The following BLTP3B variants were observed in gnomAD, a reference collection of about 807,000 sequenced individuals.
BLTP3B encodes UHRF1 (ICBP90) binding protein 1-like.
chr12:100,042,241 A>C, the BLTP3B span, among the ~76,000 whole-genome samples: 3 of 152,188 alleles, frequency 2.0e-5, no homozygotes, highest in African/African-American at 7.2e-5. Context: ...AGAAATTATA[A>C]GTTGAGCTGG....
chr12:100,071,167 AG>A, the BLTP3B span, among the ~76,000 whole-genome samples: 2 of 152,126 alleles, frequency 1.3e-5, no homozygotes, highest in Non-Finnish European at 2.9e-5. Context: ...ATGATGAAAA[AG>A]GTATCACAGA....
At chr12:100,142,314 G>A in the BLTP3B span, among the ~76,000 whole-genome samples, 3 of 152,118 alleles carry the variant, frequency 2.0e-5, no homozygotes, top group Non-Finnish European at 2.9e-5. Flanking sequence ...CAGACGCCGC[G>A]CCGGGAGCGA....
chr12:100,079,087 T>C, the BLTP3B span, among the ~76,000 whole-genome samples: 1 of 152,336 alleles, frequency 6.6e-6, no homozygotes, highest in East Asian at 1.9e-4. Context: ...ACTTTTTTCC[T>C]GTATAAATTG....
At chr12:100,113,960 T>C in the BLTP3B span, among the ~76,000 whole-genome samples, 2 of 152,294 alleles carry the variant, frequency 1.3e-5, no homozygotes, top group South Asian at 4.1e-4. Context: ...TCAAGGAGTC[T>C]ACAATATTTT....
the BLTP3B span, among the ~76,000 whole-genome samples, chr12:100,119,492 ACT>A: frequency 2.6e-5 from 4 of 152,148 alleles, no homozygotes; most frequent in African/African-American, 4.8e-5. Flanking sequence ...ATCCAAAATA[ACT>A]CTGAAAAAGA....
chr12:100,112,729 A>T, the BLTP3B span, among the ~76,000 whole-genome samples: 11 of 151,980 alleles, frequency 7.2e-5, no homozygotes, highest in Admixed American at 7.2e-4. Flanking sequence ...ACAGAGAATA[A>T]ATGCACAAAA....
chr12:100,127,590 A>G, the BLTP3B span, among the ~76,000 whole-genome samples: 1 of 152,250 alleles, frequency 6.6e-6, no homozygotes, highest in Non-Finnish European at 1.5e-5. Context: ...ATTGAGTCCT[A>G]AATTGAAAGA....
At chr12:100,113,516 T>C in the BLTP3B span, among the ~76,000 whole-genome samples, 1 of 152,176 alleles carries the variant, frequency 6.6e-6, no homozygotes, top group East Asian at 1.9e-4. Context: ...GCTTACTATT[T>C]AACCTATATC....
chr12:100,088,951 G>C, the BLTP3B span: 1 of 1,608,862 alleles, frequency 6.2e-7, no homozygotes, highest in Non-Finnish European at 8.5e-7. Context: ...CATATGTGTA[G>C]ATCTAGATGA....
the BLTP3B span, among the ~76,000 whole-genome samples, chr12:100,129,709 G>A: frequency 6.6e-6 from 1 of 152,160 alleles, no homozygotes; most frequent in African/African-American, 2.4e-5. Flanking sequence ...ATAAAGCTGA[G>A]AGAAGAAGGC....
chr12:100,108,934 G>A, the BLTP3B span, among the ~76,000 whole-genome samples: 1 of 152,140 alleles, frequency 6.6e-6, no homozygotes, highest in South Asian at 2.1e-4. Flanking sequence ...TGGGGAGCAG[G>A]GGTGGGAATG....
At chr12:100,058,701 C>T in the BLTP3B span, 3 of 1,614,002 alleles carry the variant, frequency 1.9e-6, no homozygotes, top group Non-Finnish European at 2.5e-6. Flanking sequence ...AATTCCAATA[C>T]AAATGGATGT....
chr12:100,086,262 C>A, the BLTP3B span: 1 of 1,366,126 alleles, frequency 7.3e-7, no homozygotes, highest in South Asian at 1.6e-5. Context: ...TTTAAAGATG[C>A]TGTTATACAC....
At chr12:100,065,323 C>T in the BLTP3B span, among the ~76,000 whole-genome samples, 1 of 151,246 alleles carries the variant, frequency 6.6e-6, no homozygotes, top group Non-Finnish European at 1.5e-5. Context: ...AACAGAATAA[C>T]AGCGATTTTC....
the BLTP3B span, among the ~76,000 whole-genome samples, chr12:100,070,667 A>G: frequency 1.3e-5 from 2 of 152,162 alleles, no homozygotes; most frequent in Non-Finnish European, 2.9e-5. Flanking sequence ...AATCTATGGT[A>G]TAAGGATCAG....
chr12:100,106,021 G>A, the BLTP3B span, among the ~76,000 whole-genome samples: 1 of 152,140 alleles, frequency 6.6e-6, no homozygotes, highest in Non-Finnish European at 1.5e-5. Flanking sequence ...CCTTTTTCCA[G>A]CCAGAATGGC....
the BLTP3B span, chr12:100,057,733 C>T: frequency 6.2e-7 from 1 of 1,606,302 alleles, no homozygotes. Flanking sequence ...GGGCAACGTT[C>T]CTTAGGCTTT....
chr12:100,040,673 G>A, the BLTP3B span, among the ~76,000 whole-genome samples: 5 of 152,114 alleles, frequency 3.3e-5, no homozygotes, highest in East Asian at 1.9e-4. Flanking sequence ...GCGACAGAGC[G>A]AGACTCCGTC....
the BLTP3B span, among the ~76,000 whole-genome samples, chr12:100,122,749 C>T: frequency 1.3e-5 from 2 of 152,154 alleles, no homozygotes; most frequent in Non-Finnish European, 2.9e-5. Flanking sequence ...CATGTCCCAT[C>T]CCTGCTGAAA....
Sources: gnomAD v4.1 joint callset for allele counts (sites outside exome capture counted in the v4.1 genomes callset) on GRCh38, gnomAD v4.1.1 for gene constraint, MANE v1.5 for transcripts, NCBI Gene and HGNC (gene_info 2026-07-23, HGNC 2026-07-21) for gene names.